RASGRF1: variants seen among roughly 807,000 people sequenced by gnomAD.
RASGRF1 encodes the protein ras-specific guanine nucleotide-releasing factor 1.
In RASGRF1, 40 loss-of-function variants were observed where a neutral mutation model predicts 138.7. The ratio of observed to expected loss-of-function variants is 0.29; its 90% CI spans 0.22 to 0.38. The LOEUF is 0.38. RASGRF1 is among the 10% of genes least tolerant of loss of function. The pLI is 1.00. For synonymous variants in RASGRF1, 614 were observed against 663.2 expected (o/e 0.93, Z 1.14); for missense variants, 1,108 against 1,650.4 (o/e 0.67, Z 5.69).
At chr15:79,015,280 C>CA in intron 13 of RASGRF1, 47 bp downstream of exon 13, 1 of 1,548,708 alleles carries the variant, frequency 6.5e-7, no homozygotes, top group East Asian at 2.2e-5. Context: ...TTGTGGTACT[C>CA]AGTCTCTGGA....
At chr15:79,037,875 G>T (rs192390765) in intron 5 of RASGRF1, among the ~76,000 whole-genome samples, 1 of 151,802 alleles carries the variant, frequency 6.6e-6, no homozygotes, top group African/African-American at 2.4e-5. Context: ...CCCATCTGGG[G>T]GTAATGGGAG....
intron 4 of RASGRF1, among the ~76,000 whole-genome samples, chr15:79,049,190 A>G (rs1185156427): frequency 6.6e-6 from 1 of 152,154 alleles, no homozygotes; most frequent in Admixed American, 6.5e-5. Context: ...CGAGGAAAGC[A>G]GTCAGCTGAG....
chr15:78,969,978 T>C (rs922781761), intron 26 of RASGRF1, among the ~76,000 whole-genome samples: 3 of 152,210 alleles, frequency 2.0e-5, no homozygotes, highest in Non-Finnish European at 4.4e-5. Flanking sequence ...GTTTAACTAA[T>C]TGTAGTTAGT....
chr15:79,004,131 A>C lies in RASGRF1; in HGVS notation c.2120T>G (p.Leu707Arg). 2.5e-6 allele frequency: 4 copies of C among 1,609,324 alleles called. No individual in the cohort carries two copies. The highest frequency in any genetic ancestry group is 3.4e-6 in the Non-Finnish European group (4 of 1,177,016). Residue 707 changes from leucine (L) to arginine (R), a missense_variant, in exon 15 of 27, where the codon CTG becomes CGG. Transcript: ENST00000558480. ...LFASGQNNKL[L>R]YGEPPKSPRA... ...CGGGGACTTGGGGGGTTCACCGTAC[A>C]GGAGCTTATTGTTCTGGCCACTGGC...
chr15:79,069,716 G>A (rs1595962295), intron 1 of RASGRF1, among the ~76,000 whole-genome samples: 1 of 152,164 alleles, frequency 6.6e-6, no homozygotes, highest in African/African-American at 2.4e-5. Context: ...GGGGGAAACG[G>A]GGGCAGAAGA....
At chr15:79,041,025 G>A (rs1236109029) in intron 5 of RASGRF1, among the ~76,000 whole-genome samples, 1 of 152,222 alleles carries the variant, frequency 6.6e-6, no homozygotes, top group Non-Finnish European at 1.5e-5. Flanking sequence ...AAGGCTGCTG[G>A]ATGCACAATT....
At chr15:78,972,507 A>G (rs915906137) in intron 25 of RASGRF1, among the ~76,000 whole-genome samples, 1 of 151,914 alleles carries the variant, frequency 6.6e-6, no homozygotes, top group African/African-American at 2.4e-5. Context: ...ATCTCCTTTA[A>G]TTAGTGGCAT....
chr15:78,985,775 A>G (rs1056524864), intron 22 of RASGRF1: 1 of 152,396 alleles, frequency 6.6e-6, no homozygotes, highest in Admixed American at 6.5e-5. Flanking sequence ...CACAAAAAAA[A>G]TTAGCTGGGC....
intron 13 of RASGRF1, among the ~76,000 whole-genome samples, chr15:79,014,748 T>C (rs1459449884): frequency 6.6e-6 from 1 of 151,828 alleles, no homozygotes; most frequent in Non-Finnish European, 1.5e-5. Context: ...AAACCCTGTC[T>C]CTACTAAAAA....
intron 20 of RASGRF1, among the ~76,000 whole-genome samples, chr15:78,992,657 C>T (rs530584627): frequency 2.6e-5 from 4 of 152,296 alleles, no homozygotes; most frequent in Admixed American, 6.5e-5. Context: ...AGGAGGAGAG[C>T]GGTCAACCCC....
At chr15:78,972,717 C>T (rs1422711832) in intron 25 of RASGRF1, among the ~76,000 whole-genome samples, 1 of 152,118 alleles carries the variant, frequency 6.6e-6, no homozygotes, top group Non-Finnish European at 1.5e-5. Flanking sequence ...CAAGTAGAGG[C>T]TTTCTGGCGA....
intron 26 of RASGRF1, among the ~76,000 whole-genome samples, chr15:78,971,054 A>G (rs369278316): frequency 6.6e-6 from 1 of 152,120 alleles, no homozygotes; most frequent in Non-Finnish European, 1.5e-5. Context: ...CACTGTACTT[A>G]GCATTACACA....
chr15:78,991,021 G>A (rs1360842256), intron 21 of RASGRF1, among the ~76,000 whole-genome samples: 1 of 152,232 alleles, frequency 6.6e-6, no homozygotes, highest in Non-Finnish European at 1.5e-5. Context: ...CCAATTCTGG[G>A]AAACCATTCT....
intron 1 of RASGRF1, among the ~76,000 whole-genome samples, chr15:79,079,940 G>A (rs184810993): frequency 5.9e-5 from 9 of 152,350 alleles, no homozygotes; most frequent in Non-Finnish European, 1.2e-4. Context: ...CCTGGAATGT[G>A]GTCTTCACTG....
chr15:79,083,477 C>T (rs796751023), intron 1 of RASGRF1, among the ~76,000 whole-genome samples: 34 of 152,296 alleles, frequency 2.2e-4, no homozygotes, highest in African/African-American at 6.3e-4. Flanking sequence ...TGCCTTGGTG[C>T]GCTTCCCATC....
chr15:79,064,203 A>G (rs951691203), intron 2 of RASGRF1, among the ~76,000 whole-genome samples: 4 of 152,162 alleles, frequency 2.6e-5, no homozygotes, highest in East Asian at 1.9e-4. Context: ...GCAGGGTAGG[A>G]GCTGCAATAC....
chr15:79,068,554 C>T (rs1028569550), intron 1 of RASGRF1, among the ~76,000 whole-genome samples: 4 of 146,818 alleles, frequency 2.7e-5, no homozygotes, highest in Admixed American at 2.1e-4. Context: ...TATACACATG[C>T]TTTTATATCG....
Position 79,013,090 on chromosome 15 carries a change from C to T in RASGRF1, c.1826+2237G>A, listed in dbSNP as rs111707543. On this transcript the variant is annotated intron_variant, in intron 13 of 26. Coordinates refer to ENST00000558480, the MANE Select transcript of RASGRF1 (RefSeq NM_001145648.3). Reference sequence around the variant, plus strand: ...TGTGAGTTTTATTGGATTATTGAAACGGATCTAGGAAGTAGGTAGGTAGGT... The same window carrying T: ...TGTGAGTTTTATTGGATTATTGAAATGGATCTAGGAAGTAGGTAGGTAGGT... 6.7e-3 allele frequency among the ~76,000 whole-genome samples: 1,024 copies of T among 152,244 alleles called. 13 individuals are homozygous for T. Among genetic ancestry groups the T allele is most frequent in the African/African-American group, 0.022 (932 of 41,530 alleles).
chr15:78,981,688 C>T (rs751783129), intron 23 of RASGRF1: 1 of 152,266 alleles, frequency 6.6e-6, no homozygotes, highest in African/African-American at 2.4e-5. Context: ...GCTGAGCGTA[C>T]CATTCAGTTC....
Sources: allele counts gnomAD v4.1 joint callset (sites outside exome capture counted in the v4.1 genomes callset), GRCh38; gene constraint gnomAD v4.1.1; transcripts MANE v1.5; gene names NCBI Gene and HGNC (gene_info 2026-07-23, HGNC 2026-07-21).